Variants in LGR5 observed in about 807,000 individuals in gnomAD.
LGR5 encodes leucine rich repeat containing G protein-coupled receptor 5, also known as leucine-rich repeat-containing G protein-coupled receptor 5.
In LGR5, 54 loss-of-function variants were observed where a neutral mutation model predicts 76.7. The ratio of observed to expected loss-of-function variants is 0.70; its 90% CI spans 0.57 to 0.88. LGR5 has a LOEUF of 0.88. LGR5 is among the 40% of genes least tolerant of loss of function. LGR5 has a pLI of 0.00. For synonymous variants in LGR5, 406 were observed against 421.9 expected, an observed-to-expected ratio of 0.96 and a Z score of 0.46; for missense variants, 1,078 against 1,073.3, an observed-to-expected ratio of 1.00 and a Z score of -0.06.
rs80351734 is a variant in LGR5, at chr12:71,561,828, T to C, written c.833T>C (p.Val278Ala). The change falls in exon 8 of 18, where the codon GTA becomes GCA. Residue 278 changes from valine (V) to alanine (A), a missense_variant. By Grantham distance (64) the Val-to-Ala change is moderately conservative. Transcript: ENST00000266674. ...AGGTCGATACCTGAGAAAGCATTTGTAGGCAACCCTTCTCTTATTACAATG... is the reference window on the plus strand; with the variant it reads ...AGGTCGATACCTGAGAAAGCATTTGCAGGCAACCCTTCTCTTATTACAATG... ...NIRSIPEKAFVGNPSLITIHF... is the reference protein window; with the variant it reads ...NIRSIPEKAFAGNPSLITIHF... 369 of 1,604,522 alleles carry C rather than the reference T, an allele frequency of 2.3e-4. 1 individual carries two copies. In the African/African-American group the frequency reaches 4.7e-3, roughly 21 times the overall value.
intron 1 of LGR5, among the ~76,000 whole-genome samples, chr12:71,463,355 T>C (rs548263808): frequency 3.2e-4 from 49 of 152,330 alleles, no homozygotes; most frequent in Middle Eastern, 3.4e-3. Flanking sequence ...TATATTCTCT[T>C]AGCTTCAGTC....
chr12:71,499,941 A>G (rs970820093), intron 1 of LGR5, among the ~76,000 whole-genome samples: 1 of 152,110 alleles, frequency 6.6e-6, no homozygotes, highest in African/African-American at 2.4e-5. Flanking sequence ...GGAGAGCAGA[A>G]CAGTTTTCAG....
chr12:71,584,591 T>A lies in LGR5; in HGVS notation c.2581T>A (p.Ser861Thr). Reference sequence around the variant, plus strand: ...TAACTCTGATGATGTCGAAAAACAGTCCTGTGACTCAACTCAAGCCTTGGT... The same window carrying A: ...TAACTCTGATGATGTCGAAAAACAGACCTGTGACTCAACTCAAGCCTTGGT... ...SINSDDVEKQ[S>T]CDSTQALVTF... The change falls in exon 18 of 18, where the codon TCC (serine) becomes ACC (threonine). Residue 861 changes from serine to threonine, a missense_variant. Ser to Thr is a moderately conservative substitution (Grantham distance 58). Coordinates refer to ENST00000266674, the MANE Select transcript of LGR5 (RefSeq NM_003667.4). 6.2e-7 allele frequency: 1 copy of A among 1,614,070 alleles called. No homozygotes were observed. Among genetic ancestry groups the A allele is most frequent in the Non-Finnish European group, 8.5e-7 (1 of 1,180,026 alleles).
chr12:71,464,805 G>A (rs1176623470), intron 1 of LGR5, among the ~76,000 whole-genome samples: 1 of 152,122 alleles, frequency 6.6e-6, no homozygotes, highest in Non-Finnish European at 1.5e-5. Context: ...AGATTTTTAT[G>A]TTCAGAAAAC....
rs112446551 is a variant in LGR5, at chr12:71,524,378, T to G, written c.285-28T>G. ...CTTCCACATGAAGAGGTATGCTCACTCTCTCTCCTCTCCATTGAAACCCAC... is the reference window on the plus strand; with the variant it reads ...CTTCCACATGAAGAGGTATGCTCACGCTCTCTCCTCTCCATTGAAACCCAC... On this transcript the variant is annotated intron_variant, in intron 2 of 17. Transcript: ENST00000266674. 3 of 1,549,032 alleles carry G rather than the reference T, an allele frequency of 1.9e-6. No homozygotes were observed. The African/African-American group carries it at 4.1e-5, about 21-fold the overall frequency.
At chr12:71,567,748 C>G (rs537663118) in intron 11 of LGR5, among the ~76,000 whole-genome samples, 1 of 152,224 alleles carries the variant, frequency 6.6e-6, no homozygotes, top group South Asian at 2.1e-4. Flanking sequence ...ACTTCAGACT[C>G]CAGTTGCTCA....
At chr12:71,516,927 C>T (rs1376476031) in intron 2 of LGR5, among the ~76,000 whole-genome samples, 2 of 148,404 alleles carry the variant, frequency 1.3e-5, no homozygotes, top group African/African-American at 2.5e-5. Flanking sequence ...TTTTTTTAAT[C>T]GAGTTACATC....
chr12:71,518,380 G>A lies in LGR5; in HGVS notation c.285-6026G>A, dbSNP rs189853934. On this transcript the variant is annotated intron_variant, in intron 2 of 17. Transcript: ENST00000266674. The stretch of plus-strand genomic sequence containing the variant: ...TGCTGGCAAGATCGTGGAGAAAAAG[G>A]AATGCTTATACACAGTTGGTGGGAG... 6.5e-3 allele frequency among the ~76,000 whole-genome samples: 991 copies of A among 152,314 alleles called. 8 individuals are homozygous for A. The highest frequency in any genetic ancestry group is 0.011 in the Non-Finnish European group (732 of 68,032).
intron 4 of LGR5, among the ~76,000 whole-genome samples, chr12:71,550,991 G>A (rs1452268551): frequency 6.6e-6 from 1 of 152,184 alleles, no homozygotes; most frequent in Non-Finnish European, 1.5e-5. Flanking sequence ...CTAGAGAAAG[G>A]AAAGAGAGAT....
rs942782731 is a variant in LGR5 at position 71,585,358 on chromosome 12, T to G, written c.*624T>G. ...TTTTAGAGATACCAGGTTTTATGTA[T>G]CAGCACTAGATGGTTCCACCCTCAT... On this transcript the variant is annotated 3_prime_UTR_variant, in exon 18 of 18. Coordinates refer to ENST00000266674, the MANE Select transcript of LGR5 (RefSeq NM_003667.4). The G allele has an allele frequency of 6.6e-6, 1 of 152,502 alleles. No homozygotes were observed. The highest frequency in any genetic ancestry group is 1.5e-5 in the Non-Finnish European group (1 of 68,270). The allele number at this position is 152,502 out of a possible 1,614,324, so 9.4% of individuals were successfully genotyped here.
At chr12:71,504,440 T>C (rs7307080) in intron 1 of LGR5, among the ~76,000 whole-genome samples, 174 bp from the exon 2 acceptor site, 14,206 of 152,184 alleles carry the variant, frequency 0.093, 705 homozygotes, top group Non-Finnish European at 0.11. Flanking sequence ...CATGATGTTG[T>C]GGGGAATGTT....
chr12:71,480,129 C>T lies in LGR5; in HGVS notation c.213-24485C>T, dbSNP rs547172231. Among the ~76,000 whole-genome samples the T allele has an allele frequency of 2.0e-5, 3 of 152,060 alleles. No homozygotes were observed. The East Asian group carries it at 5.8e-4, about 29-fold the overall frequency. On this transcript the variant is annotated intron_variant, in intron 1 of 17. Coordinates refer to ENST00000266674, the MANE Select transcript of LGR5 (RefSeq NM_003667.4). ...CTGTAATCCCAGCACTTTGGGAGAC[C>T]AAGGCGGGCAGATCACTTGAGGTCA...
intron 4 of LGR5, among the ~76,000 whole-genome samples, chr12:71,544,295 C>T (rs989659656): frequency 6.3e-4 from 54 of 86,388 alleles, no homozygotes; most frequent in Admixed American, 1.1e-3. Context: ...TTTTCTTCGT[C>T]TTTTTTTTTT....
At chr12:71,542,974 A>T (rs1876962164) in intron 4 of LGR5, among the ~76,000 whole-genome samples, 1 of 152,040 alleles carries the variant, frequency 6.6e-6, no homozygotes, top group South Asian at 2.1e-4. Context: ...TTTAGAAAAC[A>T]TGCTCCATAA....
intron 1 of LGR5, among the ~76,000 whole-genome samples, chr12:71,465,927 TA>T (rs1363343381): frequency 6.6e-6 from 1 of 152,202 alleles, no homozygotes; most frequent in African/African-American, 2.4e-5. Flanking sequence ...TGTGAACTCT[TA>T]AAAGGCAGCA....
intron 2 of LGR5, among the ~76,000 whole-genome samples, chr12:71,522,072 G>A (rs565226340): frequency 6.6e-6 from 1 of 152,270 alleles, no homozygotes; most frequent in African/African-American, 2.4e-5. Context: ...GGAACAAAGG[G>A]CTAGAGGGGG....
intron 1 of LGR5, among the ~76,000 whole-genome samples, chr12:71,479,444 CT>C (rs1873486488): frequency 6.6e-6 from 1 of 152,178 alleles, no homozygotes; most frequent in African/African-American, 2.4e-5. Flanking sequence ...GTGCCAAATG[CT>C]GTTAAAAGCT....
At chr12:71,497,283 C>A (rs760496893) in intron 1 of LGR5, among the ~76,000 whole-genome samples, 1 of 151,354 alleles carries the variant, frequency 6.6e-6, no homozygotes, top group Non-Finnish European at 1.5e-5. Context: ...CCAGTGCACT[C>A]CAGCCTGGGT....
At chr12:71,458,398 G>GA (rs1872570789) in intron 1 of LGR5, among the ~76,000 whole-genome samples, 1 of 152,082 alleles carries the variant, frequency 6.6e-6, no homozygotes, top group Non-Finnish European at 1.5e-5. Flanking sequence ...AATTATAAAG[G>GA]AAACTAGAGA....
Sources: gnomAD v4.1 joint callset for allele counts (sites outside exome capture counted in the v4.1 genomes callset) on GRCh38, gnomAD v4.1.1 for gene constraint, MANE v1.5 for transcripts, NCBI Gene and HGNC (gene_info 2026-07-23, HGNC 2026-07-21) for gene names.